The following CTNNA2 variants were observed in gnomAD, a reference collection of about 807,000 sequenced individuals.
CTNNA2 encodes the protein catenin alpha 2, also known as catenin alpha-2.
In CTNNA2, 42 loss-of-function variants were observed where a neutral mutation model predicts 101.0. The observed-to-expected ratio is 0.42, with a 90% CI of 0.32 to 0.54. The LOEUF (loss-of-function observed/expected upper bound fraction) is 0.54. Among genes scored for constraint, CTNNA2 ranks in the 20% least tolerant of loss-of-function variants. The pLI, the probability that CTNNA2 is intolerant of heterozygous loss-of-function variation, is 0.14. For synonymous variants in CTNNA2, 450 were observed against 456.4 expected, an observed-to-expected ratio of 0.99 and a Z score of 0.18; for missense variants, 871 against 1,223.1, an observed-to-expected ratio of 0.71 and a Z score of 4.29.
chr2:80,607,144 G>C (rs2149782470), intron 16 of CTNNA2, among the ~76,000 whole-genome samples: 1 of 151,900 alleles, frequency 6.6e-6, no homozygotes, highest in Admixed American at 6.6e-5. Flanking sequence ...GAGCTTGAGG[G>C]AAACTTAGCT....
intron 2 of CTNNA2, among the ~76,000 whole-genome samples, chr2:79,273,788 G>A (rs892707567): frequency 4.0e-5 from 6 of 151,620 alleles, no homozygotes; most frequent in Middle Eastern, 3.2e-3. Context: ...TTAAATGAGC[G>A]CTGACAGCAA....
At chr2:79,414,088 A>G (rs1678450198) in intron 4 of CTNNA2, among the ~76,000 whole-genome samples, 1 of 151,676 alleles carries the variant, frequency 6.6e-6, no homozygotes, top group East Asian at 1.9e-4. Context: ...CTAAATTTTC[A>G]TATATATAAA....
chr2:79,645,994 G>A (rs539956487), intron 1 of CTNNA2, among the ~76,000 whole-genome samples: 2 of 152,126 alleles, frequency 1.3e-5, no homozygotes, highest in African/African-American at 2.4e-5. Context: ...CAGTATTGGT[G>A]AAGAAAAAAA....
At chr2:80,326,189 T>G (rs943225236) in intron 7 of CTNNA2, among the ~76,000 whole-genome samples, 28 of 152,080 alleles carry the variant, frequency 1.8e-4, no homozygotes, top group African/African-American at 5.8e-4. Context: ...GTAGGTAGAG[T>G]ACAAATTAGG....
In CTNNA2 at chr2:79,855,091, C is replaced by T. The variant is rs548935981; in HGVS notation, c.299-2922C>T. On this transcript the variant is annotated intron_variant, in intron 3 of 18. Coordinates refer to ENST00000402739, the MANE Select transcript of CTNNA2 (RefSeq NM_001282597.3). Reference sequence around the variant, plus strand: ...TAAAATGAGCTTTTAGTTTAATTTGCTTTGAATGAAATCATCTTCTATTTA... The same window carrying T: ...TAAAATGAGCTTTTAGTTTAATTTGTTTTGAATGAAATCATCTTCTATTTA... Among the ~76,000 whole-genome samples the T allele has an allele frequency of 3.8e-3, 585 of 152,250 alleles. 3 individuals carry two copies. The highest frequency in any genetic ancestry group is 3.2e-3 in the Non-Finnish European group (218 of 68,000).
intron 7 of CTNNA2, among the ~76,000 whole-genome samples, chr2:80,216,702 G>A (rs1388877085): frequency 2.6e-5 from 4 of 152,152 alleles, no homozygotes; most frequent in South Asian, 2.1e-4. Flanking sequence ...CCAGAACGGT[G>A]AGAAACAAAT....
At chr2:80,398,336 G>A (rs1235628469) in intron 8 of CTNNA2, among the ~76,000 whole-genome samples, 1 of 152,100 alleles carries the variant, frequency 6.6e-6, no homozygotes. Flanking sequence ...AAGGATATGA[G>A]GCTATCTACA....
chr2:80,203,368 AGTTAGTTACTTCCTAGATACCAAGAGG>A (rs1469686652), intron 7 of CTNNA2, among the ~76,000 whole-genome samples: 7 of 152,242 alleles, frequency 4.6e-5, no homozygotes, highest in Admixed American at 4.6e-4. Flanking sequence ...ATCAAAAGCA[AGTTAGTTACTTCCTAGATACCAAGAGG>A]GTACAGACAT....
intron 2 of CTNNA2, among the ~76,000 whole-genome samples, chr2:79,200,252 C>A (rs1020571214): frequency 6.6e-6 from 1 of 152,124 alleles, no homozygotes; most frequent in Non-Finnish European, 1.5e-5. Context: ...GGCTTGGTGG[C>A]GGGCACCTGT....
chr2:79,765,665 G>C (rs1328800167), intron 3 of CTNNA2, among the ~76,000 whole-genome samples: 1 of 152,134 alleles, frequency 6.6e-6, no homozygotes, highest in Non-Finnish European at 1.5e-5. Flanking sequence ...CTTTAGCTGA[G>C]AATCACATTT....
At chr2:80,207,170 T>C (rs1707586635) in intron 7 of CTNNA2, among the ~76,000 whole-genome samples, 1 of 152,244 alleles carries the variant, frequency 6.6e-6, no homozygotes, top group East Asian at 1.9e-4. Flanking sequence ...GTATATATTT[T>C]TAAATCCACT....
intron 7 of CTNNA2, among the ~76,000 whole-genome samples, chr2:80,185,188 A>T (rs2148987733): frequency 6.6e-6 from 1 of 152,272 alleles, no homozygotes; most frequent in Middle Eastern, 3.4e-3. Context: ...TTGTGTGGTT[A>T]TTGGCAGGAT....
At chr2:80,168,462 T>C (rs1900258) in intron 7 of CTNNA2, among the ~76,000 whole-genome samples, 40,325 of 152,016 alleles carry the variant, frequency 0.27, 7,999 homozygotes, top group African/African-American at 0.55. Context: ...AGATGAATGG[T>C]ACAGTCTTGT....
At chr2:80,430,139 G>A (rs749946322) in intron 9 of CTNNA2, among the ~76,000 whole-genome samples, 1 of 151,918 alleles carries the variant, frequency 6.6e-6, no homozygotes, top group East Asian at 1.9e-4. Flanking sequence ...ATTTTTCACT[G>A]ACATTTAGAT....
chr2:79,892,404 C>T (rs1433173975), intron 6 of CTNNA2, among the ~76,000 whole-genome samples: 2 of 151,888 alleles, frequency 1.3e-5, no homozygotes, highest in Admixed American at 6.6e-5. Context: ...CGCCTATTCT[C>T]ATTACCTGTA....
chr2:79,615,636 G>A (rs765659878), intron 1 of CTNNA2, among the ~76,000 whole-genome samples: 6 of 152,176 alleles, frequency 3.9e-5, no homozygotes, highest in Non-Finnish European at 8.8e-5. Context: ...TTTGGTATTT[G>A]AAGGAATTTT....
intron 14 of CTNNA2, among the ~76,000 whole-genome samples, chr2:80,587,056 C>T (rs1024354815): frequency 6.6e-6 from 1 of 152,146 alleles, no homozygotes; most frequent in Non-Finnish European, 1.5e-5. Flanking sequence ...CCAGGCACAA[C>T]TGATGATCCA....
intron 2 of CTNNA2, among the ~76,000 whole-genome samples, chr2:79,664,812 T>C (rs1024042264): frequency 1.4e-5 from 2 of 147,934 alleles, no homozygotes; most frequent in Admixed American, 6.9e-5. Flanking sequence ...CCCAGGTTCA[T>C]GCCATTCTCC....
chr2:79,655,626 C>T (rs1394520421), intron 2 of CTNNA2, among the ~76,000 whole-genome samples: 1 of 151,968 alleles, frequency 6.6e-6, no homozygotes, highest in African/African-American at 2.4e-5. Flanking sequence ...GTCAGGAGTT[C>T]GAGATTAGCC....
Sources: allele counts gnomAD v4.1 joint callset (sites outside exome capture counted in the v4.1 genomes callset), GRCh38; gene constraint gnomAD v4.1.1; transcripts MANE v1.5; gene names NCBI Gene and HGNC (gene_info 2026-07-23, HGNC 2026-07-21).